Variants in AGBL1 observed in about 807,000 individuals in gnomAD.
The protein encoded by AGBL1 is AGBL carboxypeptidase 1.
A neutral mutation model predicts 118.9 loss-of-function variants in AGBL1; 130 were observed. The observed-to-expected ratio is 1.09, with a 90% CI of 0.95 to 1.26. The LOEUF (loss-of-function observed/expected upper bound fraction) is 1.26. Among genes scored for constraint, AGBL1 ranks in the 50% most tolerant of loss-of-function variants. AGBL1 has a pLI of 0.00. For synonymous variants in AGBL1, 555 were observed against 478.9 expected, an observed-to-expected ratio of 1.16 and a Z score of -2.08; for missense variants, 1,584 against 1,298.1, an observed-to-expected ratio of 1.22 and a Z score of -3.38.
At chr15:86,817,086 A>C (rs1432899228) in intron 22 of AGBL1, among the ~76,000 whole-genome samples, 5 of 152,064 alleles carry the variant, frequency 3.3e-5, no homozygotes, top group Non-Finnish European at 7.4e-5. Context: ...CAGGAGTTCG[A>C]GACCAGCATG....
chr15:86,616,038 A>G (rs141613483), intron 21 of AGBL1, among the ~76,000 whole-genome samples: 40 of 152,294 alleles, frequency 2.6e-4, no homozygotes, highest in Non-Finnish European at 5.1e-4. Context: ...TTGTCACAAT[A>G]CAATAAAATG....
chr15:86,762,319 A>G (rs1027571918), intron 22 of AGBL1, among the ~76,000 whole-genome samples: 6 of 151,986 alleles, frequency 3.9e-5, no homozygotes, highest in African/African-American at 1.4e-4. Context: ...ACCATGGCAC[A>G]TGTTTACCTA....
chr15:87,014,308 C>G (rs2081588926), intron 24 of AGBL1, among the ~76,000 whole-genome samples: 2 of 152,090 alleles, frequency 1.3e-5, no homozygotes. Flanking sequence ...ATTCTTATTT[C>G]AATTTTCCCT....
chr15:86,649,973 G>T (rs182566723), intron 21 of AGBL1, among the ~76,000 whole-genome samples: 1 of 152,132 alleles, frequency 6.6e-6, no homozygotes, highest in Non-Finnish European at 1.5e-5. Context: ...CATGCCATAT[G>T]TCTGACAAGC....
intron 1 of AGBL1, among the ~76,000 whole-genome samples, chr15:86,115,237 A>C (rs945078267): frequency 6.6e-6 from 1 of 152,330 alleles, no homozygotes; most frequent in South Asian, 2.1e-4. Context: ...GGAGTACCAT[A>C]AAGTCACAGT....
At chr15:86,618,825 C>A (rs954967352) in intron 21 of AGBL1, among the ~76,000 whole-genome samples, 1 of 152,096 alleles carries the variant, frequency 6.6e-6, no homozygotes, top group Non-Finnish European at 1.5e-5. Context: ...TCATTACAGA[C>A]CCTCCGTGGA....
intron 5 of AGBL1, among the ~76,000 whole-genome samples, chr15:86,174,154 G>C (rs1226438229): frequency 1.3e-5 from 2 of 152,014 alleles, no homozygotes; most frequent in Admixed American, 6.6e-5. Context: ...TTTCCTTCTA[G>C]AGGTCTTTCA....
chr15:86,591,269 A>G (rs1050446692), intron 21 of AGBL1, among the ~76,000 whole-genome samples: 1 of 152,192 alleles, frequency 6.6e-6, no homozygotes, highest in African/African-American at 2.4e-5. Flanking sequence ...TACTTCTGTG[A>G]TTACATGAGT....
intron 17 of AGBL1, among the ~76,000 whole-genome samples, chr15:86,303,233 T>C (rs1597706998): frequency 6.6e-6 from 1 of 152,158 alleles, no homozygotes; most frequent in Non-Finnish European, 1.5e-5. Context: ...AATTTGAAGA[T>C]TGTAAAGGGC....
At chr15:86,439,539 G>A (rs2082037297) in intron 18 of AGBL1, among the ~76,000 whole-genome samples, 1 of 152,150 alleles carries the variant, frequency 6.6e-6, no homozygotes, top group Non-Finnish European at 1.5e-5. Flanking sequence ...GTTATCAGTT[G>A]AAAGAATGAA....
At chr15:86,716,373 T>C (rs2086639007) in intron 22 of AGBL1, among the ~76,000 whole-genome samples, 1 of 152,114 alleles carries the variant, frequency 6.6e-6, no homozygotes, top group Non-Finnish European at 1.5e-5. Flanking sequence ...AGGGCTTTAG[T>C]TGATGATGTG....
chr15:86,632,029 ATTTT>A (rs60551645), intron 21 of AGBL1, among the ~76,000 whole-genome samples: 5 of 146,070 alleles, frequency 3.4e-5, no homozygotes, highest in East Asian at 2.0e-4. Context: ...TATTTCCACA[ATTTT>A]TTTTTTTTTT....
In AGBL1 at chr15:86,991,664, C is replaced by G. The variant is rs780165495; in HGVS notation, c.3323+3576C>G. Among the ~76,000 whole-genome samples, 12 of 152,180 alleles carry G rather than the reference C, an allele frequency of 7.9e-5. No individual in the cohort carries two copies. The South Asian group carries it at 1.5e-3, about 18-fold the overall frequency. ...ATTTGAGCCTGGATGTGAATATTGT[C>G]TGTTTTACACAGGTAGAGAGGGACA... On this transcript the variant is annotated intron_variant, in intron 24 of 24. Transcript: ENST00000441037.
At chr15:86,196,879 G>GCACACACACACACACACACA (rs59632011) in intron 5 of AGBL1, among the ~76,000 whole-genome samples, 1 of 116,962 alleles carries the variant, frequency 8.5e-6, no homozygotes, top group African/African-American at 3.6e-5. Flanking sequence ...GCGCGCGCGC[G>GCACACACACACACACACACA]CACACACACA....
intron 21 of AGBL1, among the ~76,000 whole-genome samples, chr15:86,661,771 T>A (rs1011840429): frequency 2.6e-5 from 4 of 152,020 alleles, no homozygotes; most frequent in Non-Finnish European, 5.9e-5. Context: ...CATGCTAAGG[T>A]GTCATCCAAG....
At chr15:86,348,605 C>T (rs1481632511) in intron 17 of AGBL1, among the ~76,000 whole-genome samples, 1 of 152,092 alleles carries the variant, frequency 6.6e-6, no homozygotes, top group Non-Finnish European at 1.5e-5. Context: ...TGGTGAAACC[C>T]TGTCTCTACT....
chr15:87,023,616 T>A (rs144139511), intron 24 of AGBL1, among the ~76,000 whole-genome samples: 141 of 152,138 alleles, frequency 9.3e-4, no homozygotes, highest in African/African-American at 3.2e-3. Flanking sequence ...ATTTAATCTA[T>A]ACCCTAGAAC....
At chr15:86,467,891 T>C (rs1480509299) in intron 18 of AGBL1, among the ~76,000 whole-genome samples, 1 of 152,178 alleles carries the variant, frequency 6.6e-6, no homozygotes, top group African/African-American at 2.4e-5. Flanking sequence ...TGTGTTGGTC[T>C]GGCTGGGAGC....
At chr15:86,991,445 T>TATTC (rs1343390160) in intron 24 of AGBL1, among the ~76,000 whole-genome samples, 2 of 150,782 alleles carry the variant, frequency 1.3e-5, no homozygotes, top group Non-Finnish European at 3.0e-5. Flanking sequence ...GATTTATATT[T>TATTC]ATTTATTTAT....
Sources: allele counts gnomAD v4.1 joint callset (sites outside exome capture counted in the v4.1 genomes callset), GRCh38; gene constraint gnomAD v4.1.1; transcripts MANE v1.5; gene names NCBI Gene and HGNC (gene_info 2026-07-23, HGNC 2026-07-21).